IFT122: variants seen among roughly 807,000 people sequenced by gnomAD.
IFT122 encodes the protein intraflagellar transport protein 122 homolog.
A neutral mutation model predicts 161.6 loss-of-function variants in IFT122; 118 were observed. That is an observed-to-expected ratio of 0.73 (90% CI 0.63 to 0.85). The LOEUF (loss-of-function observed/expected upper bound fraction) is 0.85. Ranked by LOEUF, IFT122 falls within the 40% of genes least tolerant of loss-of-function variation. IFT122 has a pLI of 0.00. For missense variants in IFT122, 1,381 were observed against 1,579.6 expected (o/e 0.87, Z 2.13); for synonymous variants, 550 against 602.4 (o/e 0.91, Z 1.27).
chr3:129,490,652 G>A (rs1402426884), intron 16 of IFT122, among the ~76,000 whole-genome samples: 1 of 152,212 alleles, frequency 6.6e-6, no homozygotes, highest in Non-Finnish European at 1.5e-5. Flanking sequence ...GAGCCCAGAA[G>A]CAGAGAAGTA....
chr3:129,507,914 T>A, intron 23 of IFT122, 152 bp downstream of exon 23: 1 of 666,840 alleles, frequency 1.5e-6, no homozygotes, highest in Non-Finnish European at 2.7e-6. Flanking sequence ...AGAAAAAGTT[T>A]GAGTTTCTTT....
chr3:129,459,434 C>T lies in IFT122; in HGVS notation c.272+757C>T, dbSNP rs568068237. ...CCTCCCGAGTAGCTGGGACTATAGG[C>T]GCTCACCACCATGCCAGGCTAATTT... On this transcript the variant is annotated intron_variant, in intron 4 of 29. Coordinates refer to ENST00000348417, the MANE Select transcript of IFT122 (RefSeq NM_052989.3). The T allele has an allele frequency of 3.2e-4, 111 of 341,608 alleles. 1 individual carries two copies. The highest frequency in any genetic ancestry group is 4.6e-4 in the Non-Finnish European group (81 of 176,342). The allele number at this position is 341,608 out of a possible 1,614,324, so 21.2% of individuals were successfully genotyped here.
Position 129,488,345 on chromosome 3 carries a change from G to T in IFT122, c.1940G>T (p.Arg647Leu), listed in dbSNP as rs750301228. The change falls in exon 16 of 30, where the codon CGT (arginine) becomes CTT (leucine). Residue 647 changes from arginine to leucine, a missense_variant. By Grantham distance (102) the Arg-to-Leu change is moderately radical (BLOSUM62 -2). Around this residue, in one of 7 missense-constraint regions of IFT122, gnomAD observed 544 missense variants for 648.0 expected, o/e 0.84. Coordinates refer to ENST00000348417, the MANE Select transcript of IFT122 (RefSeq NM_052989.3). ...ACLGVTDTDW[R>L]ELAMEALEGL... The stretch of plus-strand genomic sequence containing the variant: ...TTGGGTGTCACAGACACTGATTGGC[G>T]TGAACTGGCCATGGAAGCGCTAGAA... The T allele has an allele frequency of 1.2e-6, 2 of 1,614,072 alleles. No individual in the cohort carries two copies. Among genetic ancestry groups the T allele is most frequent in the African/African-American group, 1.3e-5 (1 of 74,912 alleles).
Position 129,499,915 on chromosome 3 carries a change from C to T in IFT122, c.2222C>T (p.Ser741Phe). 6.2e-7 allele frequency: 1 copy of T among 1,614,160 alleles called. No individual in the cohort carries two copies. The highest frequency in any genetic ancestry group is 1.1e-5 in the South Asian group (1 of 91,074). Reference sequence around the variant, plus strand: ...GTGCTTCCTCAGGATTTCCTTGGATCTGGAGACCCCAAAGAAACAAAGATG... The same window carrying T: ...GTGCTTCCTCAGGATTTCCTTGGATTTGGAGACCCCAAAGAAACAAAGATG... Reference protein sequence around the residue: ...MFEYAKDFLGSGDPKETKMLI... With the variant: ...MFEYAKDFLGFGDPKETKMLI... Residue 741 changes from serine (S) to phenylalanine (F), a missense_variant, in exon 19 of 30, where the codon TCT becomes TTT. Physicochemically the swap from Ser to Phe is radical, Grantham distance 155. This residue lies in a region of IFT122 where 496 missense variants were observed against 502.5 expected (regional missense o/e 0.99). Coordinates refer to ENST00000348417, the MANE Select transcript of IFT122 (RefSeq NM_052989.3).
chr3:129,492,337 C>T lies in IFT122; in HGVS notation c.2046+143C>T, dbSNP rs113872971. 20,242 of 764,620 alleles carry T rather than the reference C, an allele frequency of 0.026. 412 individuals carry two copies. The highest frequency in any genetic ancestry group is 0.032 in the Non-Finnish European group (13,414 of 422,700). The allele number at this position is 764,620 out of a possible 1,614,324, so 47.4% of individuals were successfully genotyped here. A position where few individuals can be genotyped will look rare whatever the true frequency, so the allele number is the denominator to read the frequency against. On this transcript the variant is annotated intron_variant, in intron 17 of 29. Coordinates refer to ENST00000348417, the MANE Select transcript of IFT122 (RefSeq NM_052989.3). Reference sequence around the variant, plus strand: ...GGGCATCTGGGCCACAGCCTTGCTCCGGGGGCAGAGTGGCCACACTGGGGG... The same window carrying T: ...GGGCATCTGGGCCACAGCCTTGCTCTGGGGGCAGAGTGGCCACACTGGGGG...
At chr3:129,514,206 G>A (rs2083182422) in intron 24 of IFT122, 183 bp from the exon 25 acceptor site, 1 of 721,534 alleles carries the variant, frequency 1.4e-6, no homozygotes, top group African/African-American at 1.7e-5. Flanking sequence ...AAATTCCTGG[G>A]CCTTGCCATC....
intron 7 of IFT122, among the ~76,000 whole-genome samples, chr3:129,465,533 C>T (rs1655740478): frequency 7.0e-6 from 1 of 142,476 alleles, no homozygotes; most frequent in South Asian, 2.3e-4. Flanking sequence ...TGCAGTGGCA[C>T]AATCTCGGCT....
intron 1 of IFT122, among the ~76,000 whole-genome samples, chr3:129,445,869 T>C (rs761878321): frequency 8.5e-5 from 13 of 152,228 alleles, no homozygotes; most frequent in Admixed American, 4.6e-4. Flanking sequence ...AGTACTGTCA[T>C]TGAGAGTGTA....
chr3:129,484,022 A>C (rs748564385), intron 15 of IFT122: 106 of 364,464 alleles, frequency 2.9e-4, no homozygotes, highest in Non-Finnish European at 4.9e-4. Flanking sequence ...GGAGTCCGGC[A>C]GGGTGTGTGT....
chr3:129,459,251 G>A, intron 4 of IFT122: 1 of 452,006 alleles, frequency 2.2e-6, no homozygotes, highest in Non-Finnish European at 4.4e-6. Context: ...TCATCGGCCT[G>A]TAAGTTCCAT....
intron 24 of IFT122, chr3:129,513,945 G>T (rs2108643288): frequency 2.9e-6 from 1 of 343,058 alleles, no homozygotes; most frequent in South Asian, 2.3e-5. Flanking sequence ...AGACAGAGTG[G>T]GGTACACCCA....
chr3:129,512,255 T>C (rs1248306021), intron 23 of IFT122, 57 bp from the exon 24 acceptor site: 4 of 1,250,818 alleles, frequency 3.2e-6, no homozygotes, highest in Non-Finnish European at 4.7e-6. Context: ...CCTTTTGGCC[T>C]GGCCCAGCAG....
chr3:129,514,476 G>A lies in IFT122; in HGVS notation c.3075G>A (p.Leu1025=). ...ARHAYDKLRG[L]YIPARFQKSI... ...ACGCCTATGACAAGCTGCGTGGCCT[G>A]TACATCCCTGCCAGATTCCAAAAGT... Residue 1025 remains leucine (L), a synonymous_variant, in exon 25 of 30, where the codon CTG becomes CTA. Coordinates refer to ENST00000348417, the MANE Select transcript of IFT122 (RefSeq NM_052989.3). 1 of 1,614,214 alleles carries A rather than the reference G, an allele frequency of 6.2e-7. No individual in the cohort carries two copies. The highest frequency in any genetic ancestry group is 8.5e-7 in the Non-Finnish European group (1 of 1,180,032).
At chr3:129,469,807 G>A (rs949412116) in intron 9 of IFT122, among the ~76,000 whole-genome samples, 1 of 152,158 alleles carries the variant, frequency 6.6e-6, no homozygotes, top group Non-Finnish European at 1.5e-5. Context: ...CAGTATTTAT[G>A]AGTACCCACT....
intron 14 of IFT122, among the ~76,000 whole-genome samples, chr3:129,482,427 G>A (rs1448684137): frequency 6.6e-6 from 1 of 152,160 alleles, no homozygotes; most frequent in Non-Finnish European, 1.5e-5. Context: ...CCCAAAGCTG[G>A]AGCCCCTCCT....
At chr3:129,472,449 G>A (rs1466271660) in intron 9 of IFT122, among the ~76,000 whole-genome samples, 1 of 152,018 alleles carries the variant, frequency 6.6e-6, no homozygotes, top group Admixed American at 6.6e-5. Context: ...ACAGGTGTGA[G>A]CCACCATATC....
intron 25 of IFT122, 59 bp from the exon 26 acceptor site, chr3:129,515,429 C>T: frequency 8.5e-7 from 1 of 1,182,972 alleles, no homozygotes; most frequent in Non-Finnish European, 1.2e-6. Flanking sequence ...AGCCAGAGTC[C>T]AGGGGGAGGA....
chr3:129,500,773 T>C (rs1011992057), intron 19 of IFT122, among the ~76,000 whole-genome samples: 1 of 151,658 alleles, frequency 6.6e-6, no homozygotes, highest in African/African-American at 2.4e-5. Flanking sequence ...GGGCTGTGGG[T>C]TGGGGGAAGT....
Position 129,500,005 on chromosome 3 carries a change from A to G in IFT122, c.2312A>G (p.Tyr771Cys), listed in dbSNP as rs2081341725. Reference sequence around the variant, plus strand: ...GAGCCCAAAGCCGCCGTGGAGATGTACATCTCAGCAGGAGAGCACGTCAAG... The same window carrying G: ...GAGCCCAAAGCCGCCGTGGAGATGTGCATCTCAGCAGGAGAGCACGTCAAG... ...IKEPKAAVEM[Y>C]ISAGEHVKAI... The change falls in exon 19 of 30, where the codon TAC (tyrosine) becomes TGC (cysteine). Residue 771 changes from tyrosine (Y) to cysteine (C), a missense_variant. Tyr to Cys is a radical substitution (Grantham distance 194, BLOSUM62 -2). Transcript: ENST00000348417. 1 of 1,614,246 alleles carries G rather than the reference A, an allele frequency of 6.2e-7. No homozygotes were observed.
Sources: allele counts gnomAD v4.1 joint callset (sites outside exome capture counted in the v4.1 genomes callset), GRCh38; gene constraint gnomAD v4.1.1; regional missense constraint gnomAD v4.1.1; transcripts MANE v1.5; gene names NCBI Gene and HGNC (gene_info 2026-07-23, HGNC 2026-07-21).